Variants in CCSER1 observed in about 807,000 individuals in gnomAD.
CCSER1 encodes serine-rich coiled-coil domain-containing protein 1.
A neutral mutation model predicts 82.0 loss-of-function variants in CCSER1; 41 were observed. That is an observed-to-expected ratio of 0.50 (90% CI 0.39 to 0.65). CCSER1 has a LOEUF of 0.65. Ranked by LOEUF, CCSER1 falls within the 30% of genes least tolerant of loss-of-function variation. The probability of loss-of-function intolerance (pLI) is 0.00; values close to 1 mark genes in which losing one functional copy is unlikely to be tolerated. For synonymous variants in CCSER1, 414 were observed against 383.9 expected (o/e 1.08, Z -0.92); for missense variants, 1,119 against 1,064.2 (o/e 1.05, Z -0.72).
chr4:90,573,643 A>T (rs1473843420), intron 5 of CCSER1, among the ~76,000 whole-genome samples: 1 of 152,168 alleles, frequency 6.6e-6, no homozygotes, highest in Non-Finnish European at 1.5e-5. Context: ...TCTTGGGTGT[A>T]TAGTTACTCA....
At chr4:90,848,858 C>T (rs368292895) in intron 8 of CCSER1, among the ~76,000 whole-genome samples, 1 of 152,162 alleles carries the variant, frequency 6.6e-6, no homozygotes, top group East Asian at 1.9e-4. Flanking sequence ...GATATGTATA[C>T]TTACATATAT....
At chr4:90,564,417 G>T (rs1046741769) in intron 5 of CCSER1, among the ~76,000 whole-genome samples, 6 of 152,062 alleles carry the variant, frequency 3.9e-5, no homozygotes, top group African/African-American at 1.4e-4. Flanking sequence ...ATATATTCTG[G>T]ATATTAACCA....
chr4:91,091,128 G>A (rs1723906258), intron 10 of CCSER1, among the ~76,000 whole-genome samples: 1 of 152,128 alleles, frequency 6.6e-6, no homozygotes, highest in Non-Finnish European at 1.5e-5. Context: ...AATTAAAAGA[G>A]CCACATCCTG....
rs148064053 is a variant in CCSER1 at position 91,265,326 on chromosome 4, A to G, written c.2217+179332A>G. Among the ~76,000 whole-genome samples, 261 of 152,298 alleles carry G rather than the reference A, an allele frequency of 1.7e-3. 1 individual carries two copies. The highest frequency in any genetic ancestry group is 5.8e-3 in the African/African-American group (243 of 41,582). ...CTATTATATATTAATACAAAACCCC[A>G]TTAAGTTAACAACATAAGGGTGTGA... On this transcript the variant is annotated intron_variant, in intron 10 of 10. Transcript: ENST00000509176.
chr4:91,134,989 G>A (rs1728335462), intron 10 of CCSER1, among the ~76,000 whole-genome samples: 1 of 151,944 alleles, frequency 6.6e-6, no homozygotes, highest in South Asian at 2.1e-4. Flanking sequence ...GAACCCAGGA[G>A]GCAGAGCTTG....
chr4:91,098,378 A>G (rs969312548), intron 10 of CCSER1, among the ~76,000 whole-genome samples: 2 of 152,242 alleles, frequency 1.3e-5, no homozygotes, highest in Non-Finnish European at 2.9e-5. Context: ...AACCTGCAAC[A>G]TTAGCACAAG....
intron 3 of CCSER1, among the ~76,000 whole-genome samples, chr4:90,393,571 G>T (rs943994119): frequency 7.2e-5 from 11 of 152,138 alleles, no homozygotes; most frequent in East Asian, 5.8e-4. Flanking sequence ...GTCCAAAGCA[G>T]CATGTCAAAT....
intron 1 of CCSER1, among the ~76,000 whole-genome samples, chr4:90,128,827 T>G (rs889116678): frequency 6.7e-6 from 1 of 150,114 alleles, no homozygotes; most frequent in Admixed American, 6.6e-5. Context: ...ACTGCTCTCT[T>G]TCTCTCTCTC....
chr4:90,284,407 A>C (rs535028816), intron 1 of CCSER1, among the ~76,000 whole-genome samples: 1 of 151,842 alleles, frequency 6.6e-6, no homozygotes, highest in African/African-American at 2.4e-5. Flanking sequence ...TTGCCCAGAC[A>C]CATGTCCTGG....
In CCSER1 at chr4:91,416,149, G is replaced by A. The variant is rs142757302; in HGVS notation, c.2218-182423G>A. Among the ~76,000 whole-genome samples the A allele has an allele frequency of 9.2e-5, 14 of 152,108 alleles. No homozygotes were observed. The South Asian group carries it at 2.7e-3, about 29-fold the overall frequency. On this transcript the variant is annotated intron_variant, in intron 10 of 10. Coordinates refer to ENST00000509176, the MANE Select transcript of CCSER1 (RefSeq NM_001145065.2). ...GGTAGGAATACAGGTAACAAGGGAA[G>A]TGAAGGACCTCTTCAAGGAGAACTA...
chr4:91,268,549 T>C (rs531808664), intron 10 of CCSER1, among the ~76,000 whole-genome samples: 26 of 152,292 alleles, frequency 1.7e-4, no homozygotes, highest in African/African-American at 6.0e-4. Flanking sequence ...AAGAATTATG[T>C]CACGCGCTTC....
rs565744646 is a variant in CCSER1 at position 90,168,279 on chromosome 4, A to T, written c.-42+40448A>T. Among the ~76,000 whole-genome samples the T allele has an allele frequency of 1.5e-4, 23 of 152,228 alleles. 1 individual carries two copies. The highest frequency in any genetic ancestry group is 1.3e-3 in the Admixed American group (20 of 15,282). On this transcript the variant is annotated intron_variant, in intron 1 of 10. Coordinates refer to ENST00000509176, the MANE Select transcript of CCSER1 (RefSeq NM_001145065.2). Reference sequence around the variant, plus strand: ...TTGGCTGCATAAATGTCTTCTTTTGAGAAGTGTCTGTTCATATCCTTTGCC... The same window carrying T: ...TTGGCTGCATAAATGTCTTCTTTTGTGAAGTGTCTGTTCATATCCTTTGCC...
At chr4:90,193,847 G>A (rs1305070740) in intron 1 of CCSER1, among the ~76,000 whole-genome samples, 1 of 151,988 alleles carries the variant, frequency 6.6e-6, no homozygotes, top group Non-Finnish European at 1.5e-5. Flanking sequence ...CTAGTGCCTA[G>A]AACAAGGAAG....
At chr4:90,296,585 G>T (rs1477235108) in intron 1 of CCSER1, among the ~76,000 whole-genome samples, 1 of 152,082 alleles carries the variant, frequency 6.6e-6, no homozygotes, top group Admixed American at 6.6e-5. Context: ...TGTCCTGAAT[G>T]GTAATGCCTA....
chr4:90,193,775 A>G (rs1736079350), intron 1 of CCSER1, among the ~76,000 whole-genome samples: 1 of 152,070 alleles, frequency 6.6e-6, no homozygotes, highest in African/African-American at 2.4e-5. Flanking sequence ...TAAAAAAGAA[A>G]AAACATGTTA....
At chr4:91,479,224 C>T (rs868528674) in intron 10 of CCSER1, among the ~76,000 whole-genome samples, 30 of 149,262 alleles carry the variant, frequency 2.0e-4, no homozygotes, top group African/African-American at 6.2e-4. Flanking sequence ...AAAATTGTGA[C>T]AAAGAACGTT....
chr4:90,849,367 T>C (rs1763573458), intron 8 of CCSER1, among the ~76,000 whole-genome samples: 1 of 152,156 alleles, frequency 6.6e-6, no homozygotes, highest in African/African-American at 2.4e-5. Context: ...GCCCTAGAGA[T>C]CTGTGGAACT....
chr4:90,314,886 T>G (rs949273423), intron 3 of CCSER1, among the ~76,000 whole-genome samples: 43 of 135,112 alleles, frequency 3.2e-4, no homozygotes, highest in African/African-American at 8.5e-4. Flanking sequence ...TCGCTCTGTC[T>G]CCTAGGCTGG....
chr4:90,739,697 C>A (rs1457101451), intron 7 of CCSER1, among the ~76,000 whole-genome samples: 1 of 152,170 alleles, frequency 6.6e-6, no homozygotes, highest in Non-Finnish European at 1.5e-5. Context: ...CTCCATGTCA[C>A]CAACTGAGCT....
Sources: allele counts gnomAD v4.1 joint callset (sites outside exome capture counted in the v4.1 genomes callset), GRCh38; gene constraint gnomAD v4.1.1; transcripts MANE v1.5; gene names NCBI Gene and HGNC (gene_info 2026-07-23, HGNC 2026-07-21).